The following IFT172 variants were observed in gnomAD, a reference collection of about 807,000 sequenced individuals.
IFT172 encodes intraflagellar transport 172, also known as intraflagellar transport protein 172 homolog.
Under a neutral mutation model 248.9 loss-of-function variants are expected in IFT172, and 164 were observed. That is an observed-to-expected ratio of 0.66 (90% confidence interval 0.58 to 0.75). The LOEUF is 0.75. IFT172 is among the 30% of genes least tolerant of loss of function. The pLI is 0.00. For missense variants in IFT172, 1,950 were observed against 2,192.4 expected (o/e 0.89, Z 2.21); for synonymous variants, 729 against 791.6 (o/e 0.92, Z 1.33).
chr2:27,446,731 C>T (rs1390850863), intron 42 of IFT172, among the ~76,000 whole-genome samples: 15 of 114,912 alleles, frequency 1.3e-4, no homozygotes, highest in Non-Finnish European at 2.3e-4. Flanking sequence ...CTCGCTCTGT[C>T]GCCCAGGCCA....
chr2:27,484,912 G>T, intron 3 of IFT172, 106 bp downstream of exon 3: 1 of 728,486 alleles, frequency 1.4e-6, no homozygotes, highest in Non-Finnish European at 2.4e-6. Context: ...GCCTTCAATG[G>T]CCAAGCTTGG....
In IFT172 at chr2:27,477,302, C is replaced by T. The variant is rs1668024646; in HGVS notation, c.1240G>A (p.Ala414Thr). 1 of 1,613,938 alleles carries T rather than the reference C, an allele frequency of 6.2e-7. No individual in the cohort carries two copies. Among genetic ancestry groups the T allele is most frequent in the Admixed American group, 1.7e-5 (1 of 59,994 alleles). ...TATTCCACCAGGGTTAGCTCTCCGG[C>T]ATTGAAGATCATGCATACCTGGGAA... ...ENENVCMIFN[A>T]GELTLVEYGN... Residue 414 changes from alanine (A) to threonine (T), a missense_variant, in exon 13 of 48, where the codon GCC (alanine) becomes ACC (threonine). Ala to Thr is a moderately conservative substitution (Grantham distance 58, BLOSUM62 0). Around this residue, in one of 3 missense-constraint regions of IFT172, gnomAD observed 1,166 missense variants for 1,254.1 expected, o/e 0.93. Coordinates refer to ENST00000260570, the MANE Select transcript of IFT172 (RefSeq NM_015662.3).
At chr2:27,453,086 C>G in intron 35 of IFT172, 2 of 448,690 alleles carry the variant, frequency 4.5e-6, no homozygotes, top group South Asian at 3.7e-5. Context: ...AGAGATCTCA[C>G]TGTTCTCTGA....
intron 19 of IFT172, 55 bp downstream of exon 19, chr2:27,463,042 C>A: frequency 6.3e-7 from 1 of 1,585,278 alleles, no homozygotes; most frequent in Non-Finnish European, 8.7e-7. Flanking sequence ...GGGCTGAATA[C>A]TAAGAGAAAT....
In IFT172 at chr2:27,484,019, C is replaced by T. The variant is rs576821151; in HGVS notation, c.337-82G>A. 3.8e-6 allele frequency: 5 copies of T among 1,325,904 alleles called. No individual in the cohort carries two copies. The South Asian group carries it at 4.7e-5, about 13-fold the overall frequency. The allele number at this position is 1,325,904 out of a possible 1,614,324, so 82.1% of individuals were successfully genotyped here. On this transcript the variant is annotated intron_variant, in intron 4 of 47. Coordinates refer to ENST00000260570, the MANE Select transcript of IFT172 (RefSeq NM_015662.3). ...ATAACAACTTCAACACCCCACCACA[C>T]ACCACCACCTCAATCTCCTATAGGG...
At chr2:27,459,977 G>A (rs1666521468) in intron 23 of IFT172, 148 bp from the exon 24 acceptor site, 1 of 1,023,456 alleles carries the variant, frequency 9.8e-7, no homozygotes, top group South Asian at 1.5e-5. Context: ...CGCACCAAGA[G>A]GTGTGGGGAA....
At chr2:27,446,151 G>T in intron 43 of IFT172, 109 bp downstream of exon 43, 2 of 1,319,974 alleles carry the variant, frequency 1.5e-6, no homozygotes, top group Non-Finnish European at 2.2e-6. Context: ...TACATCCTCC[G>T]TAACATCAGC....
rs774089213 is a variant in IFT172 at position 27,480,179 on chromosome 2, G to C, written c.786-30C>G. On this transcript the variant is annotated intron_variant, in intron 8 of 47. Transcript: ENST00000260570. ...AATAAAGTATGTGGCTTTTAGAAGA[G>C]ATTGAGGCTGAGCTAAAGAGTGCAA... is the stretch of plus-strand genomic sequence containing the variant. 6.9e-6 allele frequency: 11 copies of C among 1,604,956 alleles called. No homozygotes were observed. In the South Asian group the frequency reaches 1.2e-4, roughly 18 times the overall value.
chr2:27,461,165 G>A lies in IFT172; in HGVS notation c.2443-72C>T. The A allele has an allele frequency of 1.9e-6, 3 of 1,613,386 alleles. No individual in the cohort carries two copies. In the South Asian group the frequency reaches 3.3e-5, roughly 18 times the overall value. On this transcript the variant is annotated intron_variant, in intron 22 of 47. Coordinates refer to ENST00000260570, the MANE Select transcript of IFT172 (RefSeq NM_015662.3). ...ACTAAGTATTAGCTCCGAAAACAAG[G>A]GAACACCAGCAGTCAGGAAGCGCTC... is the stretch of plus-strand genomic sequence containing the variant.
At chr2:27,470,271 A>AG (rs1274714743) in intron 16 of IFT172, among the ~76,000 whole-genome samples, 6 of 59,558 alleles carry the variant, frequency 1.0e-4, no homozygotes, top group Non-Finnish European at 1.9e-4. Flanking sequence ...AGAGAGAGAG[A>AG]AAAAAAAAAG....
At chr2:27,481,404 T>C in intron 7 of IFT172, 144 bp from the exon 8 acceptor site, 1 of 627,314 alleles carries the variant, frequency 1.6e-6, no homozygotes, top group Non-Finnish European at 2.8e-6. Flanking sequence ...CACATCCTAA[T>C]CCTGAACTCT....
At chr2:27,465,372 C>T in intron 18 of IFT172, 39 bp downstream of exon 18, 1 of 1,541,786 alleles carries the variant, frequency 6.5e-7, no homozygotes, top group Non-Finnish European at 9.0e-7. Context: ...ATTATCCCTC[C>T]TAGCTGCGTG....
intron 9 of IFT172, 96 bp from the exon 10 acceptor site, chr2:27,479,700 C>G (rs944311061): frequency 6.9e-6 from 6 of 865,390 alleles, no homozygotes; most frequent in Non-Finnish European, 1.1e-5. Context: ...GCTCTAGAGT[C>G]TAGAGAAGAG....
Position 27,449,294 on chromosome 2 carries a change from C to G in IFT172, c.4311G>C (p.Gln1437His). The change falls in exon 39 of 48, where the codon CAG becomes CAC. Residue 1437 changes from glutamine to histidine, a missense_variant and splice_region_variant. Physicochemically the swap from Gln to His is conservative, Grantham distance 24. Transcript: ENST00000260570. ...WDKCIETATK[Q>H]NYKILHKYVA... The stretch of plus-strand genomic sequence containing the variant: ...ACTGGGAATGGGAAGAGAGCAGTAC[C>G]TGCTTGGTAGCTGTTTCAATGCACT... 1 of 1,614,120 alleles carries G rather than the reference C, an allele frequency of 6.2e-7. No individual in the cohort carries two copies. Among genetic ancestry groups the G allele is most frequent in the Non-Finnish European group, 8.5e-7 (1 of 1,180,036 alleles).
chr2:27,445,264 C>A lies in IFT172; in HGVS notation c.5068+32G>T. ...ATTGATCCTGCTGCTTTCTACCCAC[C>A]ACAGGATCTGGGGTGCTGTAGGCTT... On this transcript the variant is annotated intron_variant, in intron 46 of 47. Transcript: ENST00000260570. The surrounding 1 kb of genome is among the most constrained non-coding windows in gnomAD (Gnocchi z 4.4). 2.5e-6 allele frequency: 4 copies of A among 1,596,830 alleles called. No homozygotes were observed. The highest frequency in any genetic ancestry group is 3.4e-6 in the Non-Finnish European group (4 of 1,169,522).
rs1339921326 is a variant in IFT172 at position 27,456,578 on chromosome 2, C to G, written c.3304G>C (p.Ala1102Pro). The G allele has an allele frequency of 6.2e-7, 1 of 1,614,056 alleles. No homozygotes were observed. Among genetic ancestry groups the G allele is most frequent in the African/African-American group, 1.3e-5 (1 of 74,936 alleles). ...AGCTTATTAAGCAGTCTAACTGCAGCCTCTCCTCCCAGGCTCTTTGCCCAC... is the reference window on the plus strand; with the variant it reads ...AGCTTATTAAGCAGTCTAACTGCAGGCTCTCCTCCCAGGCTCTTTGCCCAC... Reference protein sequence around the residue: ...YLWAKSLGGEAAVRLLNKLGL... With the variant: ...YLWAKSLGGEPAVRLLNKLGL... Residue 1102 changes from alanine to proline, a missense_variant, in exon 30 of 48, where the codon GCT becomes CCT. Coordinates refer to ENST00000260570, the MANE Select transcript of IFT172 (RefSeq NM_015662.3).
In IFT172 at chr2:27,449,042, G is replaced by C. The variant is rs754145262; in HGVS notation, c.4312-11C>G. On this transcript the variant is annotated splice_polypyrimidine_tract_variant and intron_variant, in intron 39 of 47. Transcript: ENST00000260570. ...CAGAATCTTGTAGTTCTGTACAGGG[G>C]TGGAGGAAAAGCATGAGTGAGGCTG... 1.4e-6 allele frequency: 2 copies of C among 1,476,578 alleles called. No homozygotes were observed. The highest frequency in any genetic ancestry group is 2.3e-5 in the South Asian group (2 of 88,384). The allele number at this position is 1,476,578 out of a possible 1,614,324, so 91.5% of individuals were successfully genotyped here.
Position 27,470,954 on chromosome 2 carries a change from C to T in IFT172, c.1666G>A (p.Glu556Lys). Reference protein sequence around the residue: ...LCVWYNIEAPERVTMFTIRGD... With the variant: ...LCVWYNIEAPKRVTMFTIRGD... The stretch of plus-strand genomic sequence containing the variant: ...CTAATAGTGAACATGGTGACTCTCT[C>T]AGGTGCCTCAATGTTGTACCATACA... Residue 556 changes from glutamate (E) to lysine (K), a missense_variant, in exon 16 of 48, where the codon GAG becomes AAG. By Grantham distance (56) the Glu-to-Lys change is moderately conservative. Coordinates refer to ENST00000260570, the MANE Select transcript of IFT172 (RefSeq NM_015662.3). The T allele has an allele frequency of 2.5e-6, 4 of 1,608,994 alleles. No individual in the cohort carries two copies. Among genetic ancestry groups the T allele is most frequent in the Non-Finnish European group, 3.4e-6 (4 of 1,178,612 alleles).
Position 27,483,935 on chromosome 2 carries a change from A to G in IFT172, c.339T>C (p.Ser113=), listed in dbSNP as rs756394437. The G allele has an allele frequency of 2.5e-6, 4 of 1,613,468 alleles. No individual in the cohort carries two copies. In the South Asian group the frequency reaches 4.4e-5, roughly 18 times the overall value. ...KVICNKFIQT[S]AVTCLQWPAE... is the part of the protein sequence containing the mutation. ...CCGGCCATTGCAGACAAGTGACAGC[A>G]CTCTGCGTGGAAGGAAACAATGAAA... Residue 113 remains serine, a splice_region_variant and synonymous_variant, in exon 5 of 48, where the codon AGT becomes AGC. Coordinates refer to ENST00000260570, the MANE Select transcript of IFT172 (RefSeq NM_015662.3).
Sources: allele counts gnomAD v4.1 joint callset (sites outside exome capture counted in the v4.1 genomes callset), GRCh38; gene constraint gnomAD v4.1.1; regional missense constraint gnomAD v4.1.1; non-coding constraint Gnocchi (gnomAD v3.1); transcripts MANE v1.5; gene names NCBI Gene and HGNC (gene_info 2026-07-23, HGNC 2026-07-21).